The following SIK3 variants were observed in gnomAD, a reference collection of about 807,000 sequenced individuals.
The protein encoded by SIK3 is SIK family kinase 3.
A neutral mutation model predicts 144.2 loss-of-function variants in SIK3; 28 were observed. The observed-to-expected ratio is 0.19, with a 90% CI of 0.14 to 0.27. SIK3 has a LOEUF of 0.27. Among genes scored for constraint, SIK3 ranks in the 10% least tolerant of loss-of-function variants. SIK3 has a pLI of 1.00. For missense variants in SIK3, 1,319 were observed against 1,776.0 expected (o/e 0.74, Z 4.62); for synonymous variants, 686 against 676.3 (o/e 1.01, Z -0.22).
intron 3 of SIK3, among the ~76,000 whole-genome samples, chr11:116,952,592 T>C (rs1052497454): frequency 2.6e-5 from 4 of 152,200 alleles, no homozygotes; most frequent in Non-Finnish European, 5.9e-5. Flanking sequence ...GGTTCATAAA[T>C]TTCCATATAA....
At chr11:116,921,872 C>A (rs1946999052) in intron 4 of SIK3, among the ~76,000 whole-genome samples, 1 of 150,962 alleles carries the variant, frequency 6.6e-6, no homozygotes, top group African/African-American at 2.4e-5. Context: ...AACAAAAATT[C>A]ATAAATAAGA....
rs575234716 is a variant in SIK3, at chr11:117,013,628, G to A, written c.274-56564C>T. The stretch of plus-strand genomic sequence containing the variant: ...AAAGGACACACGACTCCAGTTAAAA[G>A]CAAAGATATTTTATTTTTTGGTTAA... On this transcript the variant is annotated intron_variant, in intron 1 of 24. Coordinates refer to ENST00000445177, the MANE Select transcript of SIK3 (RefSeq NM_001366686.3). Among the ~76,000 whole-genome samples, 6 of 152,004 alleles carry A rather than the reference G, an allele frequency of 3.9e-5. No homozygotes were observed. In the East Asian group the frequency reaches 1.2e-3, roughly 29 times the overall value.
intron 1 of SIK3, among the ~76,000 whole-genome samples, chr11:116,993,640 T>C (rs563265339): frequency 1.3e-5 from 2 of 152,026 alleles, no homozygotes; most frequent in African/African-American, 2.4e-5. Context: ...AAAAACAACT[T>C]GAGTAATGGG....
intron 1 of SIK3, among the ~76,000 whole-genome samples, chr11:116,972,288 T>C (rs1334695088): frequency 6.6e-6 from 1 of 152,170 alleles, no homozygotes; most frequent in African/African-American, 2.4e-5. Context: ...ACCTGAGCCC[T>C]CCACTTCATT....
At position 117,082,314 on chromosome 11, in the gene SIK3, A is replaced by G. The variant is rs867367067; in HGVS notation, c.273+15829T>C. 3.2e-4 allele frequency among the ~76,000 whole-genome samples: 49 copies of G among 152,318 alleles called. No individual in the cohort carries two copies. In the Middle Eastern group the frequency reaches 0.031, roughly 95 times the overall value. On this transcript the variant is annotated intron_variant, in intron 1 of 24. Coordinates refer to ENST00000445177, the MANE Select transcript of SIK3 (RefSeq NM_001366686.3). ...AAGAAAAAAATGAAAACATGATCAC[A>G]CAGAAATTTGTACACAAATGTTCAA...
intron 1 of SIK3, among the ~76,000 whole-genome samples, chr11:117,022,012 G>T (rs1171192310): frequency 7.2e-6 from 1 of 139,504 alleles, no homozygotes; most frequent in African/African-American, 2.6e-5. Context: ...CCATAAATTA[G>T]TTAAGAAACC....
chr11:117,062,500 C>G (rs1193175191), intron 1 of SIK3, among the ~76,000 whole-genome samples: 1 of 152,092 alleles, frequency 6.6e-6, no homozygotes, highest in South Asian at 2.1e-4. Flanking sequence ...AACATAACAC[C>G]AAATATCGGC....
At chr11:117,091,425 C>G (rs967038270) in intron 1 of SIK3, among the ~76,000 whole-genome samples, 4 of 151,846 alleles carry the variant, frequency 2.6e-5, no homozygotes, top group Non-Finnish European at 5.9e-5. Context: ...AGGCTGGTCT[C>G]GAACTCCTGA....
chr11:116,967,134 A>C (rs1949587296), intron 1 of SIK3, among the ~76,000 whole-genome samples: 1 of 152,222 alleles, frequency 6.6e-6, no homozygotes, highest in South Asian at 2.1e-4. Context: ...AAGCTGAATA[A>C]ATTTTAAGAT....
chr11:117,038,082 G>A (rs895102535), intron 1 of SIK3, among the ~76,000 whole-genome samples: 4 of 152,078 alleles, frequency 2.6e-5, no homozygotes, highest in East Asian at 1.9e-4. Context: ...AGAATCATTT[G>A]CACTAGATAA....
chr11:117,011,412 T>C (rs1264620661), intron 1 of SIK3, among the ~76,000 whole-genome samples: 1 of 152,180 alleles, frequency 6.6e-6, no homozygotes, highest in Non-Finnish European at 1.5e-5. Flanking sequence ...AGAGATGATT[T>C]GGGATGAGTC....
intron 1 of SIK3, among the ~76,000 whole-genome samples, chr11:116,981,720 A>C (rs535946648): frequency 3.0e-4 from 45 of 152,300 alleles, no homozygotes; most frequent in Non-Finnish European, 4.6e-4. Context: ...CCTGACTAGA[A>C]AGTGTGTTTT....
At chr11:116,997,984 C>T (rs544030365) in intron 1 of SIK3, among the ~76,000 whole-genome samples, 140 of 151,992 alleles carry the variant, frequency 9.2e-4, no homozygotes, top group Non-Finnish European at 1.8e-3. Flanking sequence ...CTCAGCCTCC[C>T]AAGTAGCTAG....
Position 116,867,294 on chromosome 11 carries a change from T to C in SIK3, c.1952+652A>G, listed in dbSNP as rs895814289. ...ATCATCTTCTTCAACTAGCAAAGTG[T>C]CATTCCGCAGCTGCTTCCAGGCTTA... On this transcript the variant is annotated intron_variant, in intron 15 of 24. Transcript: ENST00000445177. The surrounding 1 kb of genome is among the most constrained non-coding windows in gnomAD (Gnocchi z 4.1). Among the ~76,000 whole-genome samples, 4 of 152,334 alleles carry C rather than the reference T, an allele frequency of 2.6e-5. No homozygotes were observed. The highest frequency in any genetic ancestry group is 9.6e-5 in the African/African-American group (4 of 41,566).
chr11:117,017,585 G>A (rs1951592314), intron 1 of SIK3, among the ~76,000 whole-genome samples: 1 of 152,032 alleles, frequency 6.6e-6, no homozygotes, highest in Non-Finnish European at 1.5e-5. Context: ...AAGAATCAAA[G>A]TACCTGTGAG....
rs1943911899 is a variant in SIK3 at position 116,870,503 on chromosome 11, T to C, written c.1738-102A>G. 7 of 1,511,178 alleles carry C rather than the reference T, an allele frequency of 4.6e-6. No individual in the cohort carries two copies. The East Asian group carries it at 1.6e-4, about 35-fold the overall frequency. The allele number at this position is 1,511,178 out of a possible 1,614,324, so 93.6% of individuals were successfully genotyped here. A position where few individuals can be genotyped will look rare whatever the true frequency, so the allele number is the denominator to read the frequency against. On this transcript the variant is annotated intron_variant, in intron 13 of 24. Coordinates refer to ENST00000445177, the MANE Select transcript of SIK3 (RefSeq NM_001366686.3). ...GGGCAGGACTTTCTGTTAACTTTCTTATTTACAGAACTTTTCTAGACTCCT... is the reference window on the plus strand; with the variant it reads ...GGGCAGGACTTTCTGTTAACTTTCTCATTTACAGAACTTTTCTAGACTCCT...
chr11:117,019,828 G>T (rs1951694019), intron 1 of SIK3, among the ~76,000 whole-genome samples: 1 of 151,964 alleles, frequency 6.6e-6, no homozygotes, highest in South Asian at 2.1e-4. Flanking sequence ...AATCCAGGAG[G>T]CGGAGGTTTC....
intron 16 of SIK3, 84 bp downstream of exon 16, chr11:116,863,584 G>A: frequency 3.2e-6 from 5 of 1,578,962 alleles, no homozygotes; most frequent in Non-Finnish European, 4.3e-6. Flanking sequence ...CATAAAAGGG[G>A]TACGTTTACC....
chr11:116,994,659 T>TATA (rs1379825303), intron 1 of SIK3, among the ~76,000 whole-genome samples: 1 of 152,180 alleles, frequency 6.6e-6, no homozygotes, highest in African/African-American at 2.4e-5. Context: ...TCATATGTAC[T>TATA]ATAAGCCATC....
Sources: gnomAD v4.1 joint callset for allele counts (sites outside exome capture counted in the v4.1 genomes callset) on GRCh38, gnomAD v4.1.1 for gene constraint, Gnocchi (gnomAD v3.1) non-coding constraint, MANE v1.5 for transcripts, NCBI Gene and HGNC (gene_info 2026-07-23, HGNC 2026-07-21) for gene names.